Variants in INPP5B observed in about 807,000 individuals in gnomAD.
INPP5B encodes the protein inositol polyphosphate-5-phosphatase B, also known as type II inositol 1,4,5-trisphosphate 5-phosphatase.
INPP5B carries 90 observed loss-of-function variants against 118.5 expected under a neutral mutation model. The ratio of observed to expected loss-of-function variants is 0.76; its 90% confidence interval spans 0.64 to 0.90. INPP5B has a LOEUF of 0.90. INPP5B is among the 40% of genes least tolerant of loss of function. INPP5B has a pLI of 0.00. For synonymous variants in INPP5B, 385 were observed against 418.9 expected (o/e 0.92, Z 0.99); for missense variants, 984 against 1,125.6 (o/e 0.87, Z 1.80).
intron 6 of INPP5B, 143 bp downstream of exon 6, chr1:37,940,545 G>A: frequency 1.7e-6 from 1 of 592,976 alleles, no homozygotes; most frequent in Non-Finnish European, 3.0e-6. Context: ...TGGCAGCCTG[G>A]GGGCACTATG....
intron 16 of INPP5B, among the ~76,000 whole-genome samples, chr1:37,877,298 C>T (rs1027551762): frequency 2.7e-5 from 4 of 150,592 alleles, no homozygotes; most frequent in South Asian, 2.1e-4. Context: ...GCTGAAATCA[C>T]GCCACTGCAC....
chr1:37,933,275 G>A (rs111562490), intron 6 of INPP5B, among the ~76,000 whole-genome samples: 3,064 of 152,282 alleles, frequency 0.02, 93 homozygotes, highest in African/African-American at 0.07. Flanking sequence ...TATATAGTAG[G>A]GCCAGGCGCA....
At chr1:37,943,026 G>A (rs1377027187) in intron 5 of INPP5B, among the ~76,000 whole-genome samples, 1 of 151,608 alleles carries the variant, frequency 6.6e-6, no homozygotes, top group African/African-American at 2.4e-5. Flanking sequence ...TTGAGATGGA[G>A]TTTCACTCTT....
intron 11 of INPP5B, 113 bp from the exon 12 acceptor site, chr1:37,887,117 T>G: frequency 1.2e-6 from 1 of 852,620 alleles, no homozygotes; most frequent in East Asian, 2.4e-5. Flanking sequence ...TTCTCCACAC[T>G]AGAACACAGG....
intron 10 of INPP5B, among the ~76,000 whole-genome samples, chr1:37,887,976 A>G (rs1643636318): frequency 6.6e-6 from 1 of 152,224 alleles, no homozygotes; most frequent in Non-Finnish European, 1.5e-5. Context: ...AATAAAGTTC[A>G]GTTCAGGATG....
At position 37,924,509 on chromosome 1, in the gene INPP5B, C is replaced by G. The variant is rs943452379; in HGVS notation, c.532+7404G>C. Among the ~76,000 whole-genome samples, 6 of 151,960 alleles carry G rather than the reference C, an allele frequency of 3.9e-5. No homozygotes were observed. In the East Asian group the frequency reaches 1.2e-3, roughly 29 times the overall value. ...TAATTGTATTTCCCAAATGAAAGCACGTCTAAATAATTAGCATTGCTTAAG... is the reference window on the plus strand; with the variant it reads ...TAATTGTATTTCCCAAATGAAAGCAGGTCTAAATAATTAGCATTGCTTAAG... On this transcript the variant is annotated intron_variant, in intron 7 of 23. Coordinates refer to ENST00000373024, the MANE Select transcript of INPP5B (RefSeq NM_005540.3).
At chr1:37,910,419 A>C (rs1055393524) in intron 7 of INPP5B, among the ~76,000 whole-genome samples, 1 of 152,082 alleles carries the variant, frequency 6.6e-6, no homozygotes, top group Non-Finnish European at 1.5e-5. Context: ...AGGTTGAGAC[A>C]TTTTAACTAA....
At chr1:37,935,750 C>T (rs1023983649) in intron 6 of INPP5B, among the ~76,000 whole-genome samples, 34 of 152,196 alleles carry the variant, frequency 2.2e-4, no homozygotes, top group Non-Finnish European at 4.6e-4. Flanking sequence ...CAAATCTTGC[C>T]TTATCACTCT....
chr1:37,905,512 A>C (rs1430874437), intron 7 of INPP5B, among the ~76,000 whole-genome samples: 1 of 152,246 alleles, frequency 6.6e-6, no homozygotes, highest in Non-Finnish European at 1.5e-5. Context: ...AATAATTACA[A>C]TTGTTATGTA....
chr1:37,899,473 A>G (rs1357673260), intron 7 of INPP5B, among the ~76,000 whole-genome samples: 1 of 151,274 alleles, frequency 6.6e-6, no homozygotes, highest in Non-Finnish European at 1.5e-5. Flanking sequence ...GAGGCAAGAA[A>G]ATCGCTTGAA....
At chr1:37,864,078 G>C (rs1374927974) in intron 23 of INPP5B, among the ~76,000 whole-genome samples, 1 of 152,004 alleles carries the variant, frequency 6.6e-6, no homozygotes, top group Non-Finnish European at 1.5e-5. Flanking sequence ...GCCTCACAAA[G>C]TGCTAGGACT....
intron 6 of INPP5B, among the ~76,000 whole-genome samples, chr1:37,937,903 G>A (rs1251818611): frequency 6.6e-6 from 1 of 151,696 alleles, no homozygotes; most frequent in Non-Finnish European, 1.5e-5. Flanking sequence ...CAGAGGCGGA[G>A]GTTGTAGTAA....
chr1:37,882,098 C>CAA (rs527571929), intron 14 of INPP5B, among the ~76,000 whole-genome samples: 7 of 104,758 alleles, frequency 6.7e-5, no homozygotes, highest in African/African-American at 1.8e-4. Flanking sequence ...GACTCTGTCT[C>CAA]AAAAAAAAAA....
chr1:37,943,231 C>T (rs34888189), intron 5 of INPP5B, among the ~76,000 whole-genome samples: 14,863 of 152,006 alleles, frequency 0.098, 878 homozygotes, highest in East Asian at 0.17. Context: ...AACTCCTGAC[C>T]TCGTGATCTT....
At position 37,903,908 on chromosome 1, in the gene INPP5B, T is replaced by G. The variant is rs572993563; in HGVS notation, c.533-12454A>C. On this transcript the variant is annotated intron_variant, in intron 7 of 23. Coordinates refer to ENST00000373024, the MANE Select transcript of INPP5B (RefSeq NM_005540.3). Reference sequence around the variant, plus strand: ...AAAGAAAAAGGCTTAAATAAAATATTTTTTGTCAGAAAAGTAAAAAGTGTA... The same window carrying G: ...AAAGAAAAAGGCTTAAATAAAATATGTTTTGTCAGAAAAGTAAAAAGTGTA... 3.3e-5 allele frequency among the ~76,000 whole-genome samples: 5 copies of G among 152,314 alleles called. No individual in the cohort carries two copies. In the South Asian group the frequency reaches 6.2e-4, roughly 19 times the overall value.
At chr1:37,868,452 T>C (rs1381425330) in intron 20 of INPP5B, 49 bp downstream of exon 20, 1 of 1,290,010 alleles carries the variant, frequency 7.8e-7, no homozygotes, top group African/African-American at 1.5e-5. Flanking sequence ...CTGATGGTCC[T>C]CAAGGCAGCC....
At chr1:37,864,770 TAGAG>T (rs1317443390) in intron 22 of INPP5B, 2 of 173,012 alleles carry the variant, frequency 1.2e-5, no homozygotes, top group African/African-American at 4.8e-5. Flanking sequence ...GTGAAGTAAG[TAGAG>T]AGAACACTTT....
intron 6 of INPP5B, among the ~76,000 whole-genome samples, chr1:37,935,200 CA>C (rs537054117): frequency 4.0e-4 from 40 of 98,968 alleles, no homozygotes; most frequent in Middle Eastern, 5.3e-3. Context: ...GACTCCATCT[CA>C]AAAAAAAAAA....
At position 37,931,911 on chromosome 1, in the gene INPP5B, G is replaced by A. The variant is rs1477357089; in HGVS notation, c.532+2C>T. 2.5e-6 allele frequency: 4 copies of A among 1,613,834 alleles called. No homozygotes were observed. Among genetic ancestry groups the A allele is most frequent in the African/African-American group, 1.3e-5 (1 of 74,916 alleles). On this transcript the variant is annotated splice_donor_variant, in intron 7 of 23. Coordinates refer to ENST00000373024, the MANE Select transcript of INPP5B (RefSeq NM_005540.3). LOFTEE classifies it low-confidence loss of function (GC_TO_GT_DONOR). ...ACCGTTTCTTCCGGGACGGATACCT[G>A]CCTCCGCCAATTGTCGCGTACCCTG...
Sources: allele counts gnomAD v4.1 joint callset (sites outside exome capture counted in the v4.1 genomes callset), GRCh38; gene constraint gnomAD v4.1.1; transcripts MANE v1.5; gene names NCBI Gene and HGNC (gene_info 2026-07-23, HGNC 2026-07-21).